SLC8A1: variants seen among roughly 807,000 people sequenced by gnomAD.
SLC8A1 encodes the protein solute carrier family 8 member A1, also known as sodium/calcium exchanger 1.
Under a neutral mutation model 68.3 loss-of-function variants are expected in SLC8A1, and 18 were observed. The observed-to-expected ratio is 0.26, with a 90% CI of 0.18 to 0.39. The LOEUF (loss-of-function observed/expected upper bound fraction) is 0.39, where lower values mean the gene tolerates loss of function less well. Ranked by LOEUF, SLC8A1 falls within the 10% of genes least tolerant of loss-of-function variation. The pLI is 1.00. For synonymous variants in SLC8A1, 475 were observed against 415.5 expected, an observed-to-expected ratio of 1.14 and a Z score of -1.74; for missense variants, 985 against 1,156.7, an observed-to-expected ratio of 0.85 and a Z score of 2.15.
chr2:40,121,197 C>T (rs569436392), intron 7 of SLC8A1, among the ~76,000 whole-genome samples: 1 of 152,286 alleles, frequency 6.6e-6, no homozygotes, highest in East Asian at 1.9e-4. Flanking sequence ...CTTAATCAGA[C>T]TCTCTGAGGA....
chr2:40,449,985 C>G (rs1702135203), intron 1 of SLC8A1, among the ~76,000 whole-genome samples: 1 of 152,120 alleles, frequency 6.6e-6, no homozygotes, highest in African/African-American at 2.4e-5. Flanking sequence ...GCCGTGAGAT[C>G]CAAATGGAAT....
At chr2:40,365,308 T>C (rs1481601165) in intron 2 of SLC8A1, among the ~76,000 whole-genome samples, 1 of 152,136 alleles carries the variant, frequency 6.6e-6, no homozygotes, top group East Asian at 1.9e-4. Flanking sequence ...ACATATCATA[T>C]TTTTATACTT....
intron 1 of SLC8A1, among the ~76,000 whole-genome samples, chr2:40,476,719 A>T (rs1704315577): frequency 6.6e-6 from 1 of 152,166 alleles, no homozygotes. Context: ...CATGGTAGAG[A>T]TTTAGAAGTA....
chr2:40,311,167 A>T (rs2073596214), intron 2 of SLC8A1, among the ~76,000 whole-genome samples: 1 of 152,140 alleles, frequency 6.6e-6, no homozygotes, highest in East Asian at 1.9e-4. Context: ...ACGTCAGTCA[A>T]TGGGAATTAG....
At chr2:40,280,981 T>G (rs372626139) in intron 2 of SLC8A1, among the ~76,000 whole-genome samples, 13 of 152,362 alleles carry the variant, frequency 8.5e-5, no homozygotes, top group Middle Eastern at 6.8e-3. Context: ...ATTGCTTATC[T>G]TTCCTGGTGG....
intron 2 of SLC8A1, among the ~76,000 whole-genome samples, chr2:40,258,097 T>C (rs1030490971): frequency 6.6e-5 from 10 of 152,150 alleles, no homozygotes; most frequent in Non-Finnish European, 1.3e-4. Context: ...TGTGTTATTA[T>C]CCCCTGCACA....
chr2:40,330,574 T>C (rs1448374891), intron 2 of SLC8A1, among the ~76,000 whole-genome samples: 1 of 152,118 alleles, frequency 6.6e-6, no homozygotes, highest in African/African-American at 2.4e-5. Context: ...AGTCCATTAT[T>C]CCAAGCAGGG....
intron 2 of SLC8A1, among the ~76,000 whole-genome samples, chr2:40,338,689 G>A (rs1666773830): frequency 6.6e-6 from 1 of 152,174 alleles, no homozygotes; most frequent in Non-Finnish European, 1.5e-5. Flanking sequence ...GTGTCATAAA[G>A]AAGTCACTAG....
chr2:40,257,884 T>C (rs1480091416), intron 2 of SLC8A1, among the ~76,000 whole-genome samples: 1 of 152,084 alleles, frequency 6.6e-6, no homozygotes, highest in Non-Finnish European at 1.5e-5. Context: ...GCAAGATTAA[T>C]AAAGCATTTC....
intron 7 of SLC8A1, among the ~76,000 whole-genome samples, chr2:40,128,143 A>T (rs1161981239): frequency 2.0e-5 from 3 of 152,232 alleles, no homozygotes; most frequent in Non-Finnish European, 4.4e-5. Context: ...TCATATCTAT[A>T]ATATGCACTA....
chr2:40,357,515 A>AAAC (rs1486019346), intron 2 of SLC8A1, among the ~76,000 whole-genome samples: 3 of 151,588 alleles, frequency 2.0e-5, no homozygotes, highest in African/African-American at 7.3e-5. Context: ...AAAAAAAAAA[A>AAAC]AACACAAGAT....
Position 40,122,207 on chromosome 2 carries a change from C to T in SLC8A1, c.2438-6578G>A, listed in dbSNP as rs1007823494. ...TCTCTCACAAGTGCATGCGCGCGCG[C>T]ACACACACACACACACACGTGTGCG... On this transcript the variant is annotated intron_variant, in intron 7 of 7. Transcript: ENST00000406785. Among the ~76,000 whole-genome samples, 69 of 118,238 alleles carry T rather than the reference C, an allele frequency of 5.8e-4. No homozygotes were observed. In the South Asian group the frequency reaches 0.011, roughly 19 times the overall value. The allele number at this position is 118,238 out of a possible 152,430, so 77.6% of individuals were successfully genotyped here. A position where few individuals can be genotyped will look rare whatever the true frequency, so the allele number is the denominator to read the frequency against.
Position 40,136,961 on chromosome 2 carries a change from C to T in SLC8A1, c.2437+2440G>A, listed in dbSNP as rs185824387. Among the ~76,000 whole-genome samples the T allele has an allele frequency of 5.4e-4, 82 of 152,230 alleles. 1 individual carries two copies. The highest frequency in any genetic ancestry group is 1.2e-3 in the Admixed American group (18 of 15,292). On this transcript the variant is annotated intron_variant, in intron 7 of 7. Transcript: ENST00000406785. ...TAACAGCACAAAGAAATCTGCGTCC[C>T]GATGGAAAGCATTTATGGCAGTGTA...
intron 2 of SLC8A1, among the ~76,000 whole-genome samples, chr2:40,385,470 A>G (rs1187044298): frequency 6.7e-6 from 1 of 150,188 alleles, no homozygotes. Context: ...ATCAATTGCT[A>G]CGAAAAGACA....
intron 2 of SLC8A1, among the ~76,000 whole-genome samples, chr2:40,295,487 C>T (rs767107475): frequency 6.6e-6 from 1 of 152,100 alleles, no homozygotes; most frequent in Non-Finnish European, 1.5e-5. Context: ...ATAATTTGTG[C>T]ATTTCCTTCT....
intron 2 of SLC8A1, among the ~76,000 whole-genome samples, chr2:40,289,966 CAT>C (rs2068995771): frequency 6.6e-6 from 1 of 151,960 alleles, no homozygotes; most frequent in Admixed American, 6.6e-5. Flanking sequence ...AGAAGACAAA[CAT>C]ATTTTTTAGG....
At chr2:40,121,738 G>A (rs911011618) in intron 7 of SLC8A1, among the ~76,000 whole-genome samples, 5 of 152,178 alleles carry the variant, frequency 3.3e-5, no homozygotes, top group African/African-American at 1.2e-4. Flanking sequence ...AACAGAGCCA[G>A]ATCCCCAGAG....
At chr2:40,148,894 T>C (rs1387592065) in intron 6 of SLC8A1, among the ~76,000 whole-genome samples, 2 of 152,182 alleles carry the variant, frequency 1.3e-5, no homozygotes, top group Non-Finnish European at 2.9e-5. Flanking sequence ...AGAGGGTAAG[T>C]AGGCTAAGGT....
chr2:40,414,515 G>A (rs1019816415), intron 2 of SLC8A1, among the ~76,000 whole-genome samples: 1 of 152,136 alleles, frequency 6.6e-6, no homozygotes, highest in African/African-American at 2.4e-5. Context: ...TTCTGATCTT[G>A]TACTTGCATG....
Sources: allele counts gnomAD v4.1 joint callset (sites outside exome capture counted in the v4.1 genomes callset), GRCh38; gene constraint gnomAD v4.1.1; transcripts MANE v1.5; gene names NCBI Gene and HGNC (gene_info 2026-07-23, HGNC 2026-07-21).